The following MZT2B variants were observed in gnomAD, a reference collection of about 807,000 sequenced individuals.
MZT2B encodes mitotic spindle organizing protein 2B.
A neutral mutation model predicts 12.1 loss-of-function variants in MZT2B; 11 were observed. The ratio of observed to expected loss-of-function variants is 0.91; its 90% CI spans 0.57 to 1.50. The LOEUF is 1.50. MZT2B is among the 40% of genes most tolerant of loss of function. The probability of loss-of-function intolerance (pLI) is 0.00; values close to 1 mark genes in which losing one functional copy is unlikely to be tolerated. For missense variants in MZT2B, 209 were observed against 227.7 expected, an observed-to-expected ratio of 0.92 and a Z score of 0.53; for synonymous variants, 85 against 109.5, an observed-to-expected ratio of 0.78 and a Z score of 1.40.
At chr2:130,199,015 C>T in the MZT2B span, among the ~76,000 whole-genome samples, 586 of 123,752 alleles carry the variant, frequency 4.7e-3, 148 homozygotes, top group African/African-American at 0.016. Flanking sequence ...GTTCCCGAGA[C>T]CAGCCTGGCC....
downstream of MZT2B, chr2:130,195,211 C>A (rs149428191): frequency 8.7e-4 from 1,408 of 1,613,866 alleles, 15 homozygotes; most frequent in African/African-American, 0.017. Flanking sequence ...GCCTGTAGGT[C>A]CCTGTGCGCA....
chr2:130,184,735 C>T (rs993905062), intron 2 of MZT2B: 19 of 985,388 alleles, frequency 1.9e-5, no homozygotes, highest in Non-Finnish European at 2.3e-5. Context: ...GAACAGAGTC[C>T]TTGTCACTCC....
At chr2:130,183,004 C>T in intron 2 of MZT2B, 1 of 719,252 alleles carries the variant, frequency 1.4e-6, no homozygotes, top group Non-Finnish European at 2.2e-6. Flanking sequence ...GTGGTCCAGG[C>T]TGGGTAGGGC....
chr2:130,203,726 G>A, the MZT2B span, among the ~76,000 whole-genome samples: 2 of 152,176 alleles, frequency 1.3e-5, no homozygotes, highest in African/African-American at 4.8e-5. Flanking sequence ...TGGGATGACA[G>A]GCTTGAGTGC....
At chr2:130,182,540 G>A in intron 1 of MZT2B, 87 bp from the exon 2 acceptor site, 1 of 1,553,488 alleles carries the variant, frequency 6.4e-7, no homozygotes, top group Non-Finnish European at 8.7e-7. Flanking sequence ...GTCGGGAGGA[G>A]CCCCCGCCCC....
Position 130,182,497 on chromosome 2 carries a change from G to A in MZT2B, c.170+45G>A, listed in dbSNP as rs1352366557. On this transcript the variant is annotated intron_variant, in intron 1 of 2. Transcript: ENST00000281871. Reference sequence around the variant, plus strand: ...GCCGCATGCTAGCCAGACACCCCCCGACCTCTGCTTTCCGGGTACGCCCGG... The same window carrying A: ...GCCGCATGCTAGCCAGACACCCCCCAACCTCTGCTTTCCGGGTACGCCCGG... 3.9e-6 allele frequency: 6 copies of A among 1,540,734 alleles called. No individual in the cohort carries two copies. In the Admixed American group the frequency reaches 5.9e-5, roughly 15 times the overall value.
upstream of MZT2B, chr2:130,181,838 G>GTATT: frequency 6.5e-7 from 1 of 1,540,526 alleles, no homozygotes; most frequent in Non-Finnish European, 8.8e-7. Flanking sequence ...CGCGTAAGCA[G>GTATT]TATTGTTGAT....
At chr2:130,204,187 G>C in the MZT2B span, 1 of 1,237,230 alleles carries the variant, frequency 8.1e-7, no homozygotes, top group Non-Finnish European at 1.1e-6. Context: ...TGAAGCTTCA[G>C]AGACATTGAA....
chr2:130,184,527 G>A (rs1207864531), intron 2 of MZT2B: 1 of 985,254 alleles, frequency 1.0e-6, no homozygotes, highest in African/African-American at 1.7e-5. Flanking sequence ...TCAGAGCCAG[G>A]GTCCTGTGAG....
downstream of MZT2B, chr2:130,190,741 G>GTTTTTTTTT (rs71396588): frequency 5.8e-6 from 7 of 1,215,698 alleles, no homozygotes; most frequent in African/African-American, 3.8e-5. Flanking sequence ...GTTGTCTACC[G>GTTTTTTTTT]TTTTTTTTTT....
chr2:130,191,673 C>T (rs537083117), downstream of MZT2B: 201 of 1,345,192 alleles, frequency 1.5e-4, no homozygotes, highest in Non-Finnish European at 1.8e-4. Context: ...GGCACCCCAC[C>T]GCTGTCCATG....
intron 2 of MZT2B, 70 bp from the exon 3 acceptor site, chr2:130,190,399 C>A: frequency 6.3e-7 from 1 of 1,587,878 alleles, no homozygotes. Flanking sequence ...GCCCAAGGAC[C>A]ACGAGTACAG....
upstream of MZT2B, chr2:130,182,023 G>A (rs1689698684): frequency 7.4e-7 from 1 of 1,354,438 alleles, no homozygotes; most frequent in South Asian, 1.5e-5. Context: ...AGTCTATCAG[G>A]GAGGCCCAGA....
chr2:130,181,783 C>T (rs1689671884), upstream of MZT2B: 1 of 1,547,414 alleles, frequency 6.5e-7, no homozygotes, highest in South Asian at 1.2e-5. Context: ...TTGTGGCGGC[C>T]TCCGGCGCCC....
chr2:130,191,500 A>G (rs1229384827), downstream of MZT2B, among the ~76,000 whole-genome samples: 1 of 152,206 alleles, frequency 6.6e-6, no homozygotes, highest in Non-Finnish European at 1.5e-5. Context: ...AAAAATCACA[A>G]ATTCAGTTGA....
At chr2:130,187,988 G>A (rs1690121813) in intron 2 of MZT2B, 1 of 151,370 alleles carries the variant, frequency 6.6e-6, no homozygotes, top group South Asian at 2.1e-4. Flanking sequence ...GGGCAGCAAT[G>A]AACTGTGATT....
chr2:130,181,837 A>G (rs1288111563), upstream of MZT2B: 4 of 1,539,910 alleles, frequency 2.6e-6, no homozygotes, highest in South Asian at 2.4e-5. Flanking sequence ...GCGCGTAAGC[A>G]GTATTGTTGA....
the MZT2B span, among the ~76,000 whole-genome samples, chr2:130,203,404 G>T: frequency 6.6e-6 from 1 of 151,952 alleles, no homozygotes; most frequent in Admixed American, 6.6e-5. Flanking sequence ...TCCAGGTCTC[G>T]TCACTTCCAG....
chr2:130,201,896 G>A, the MZT2B span, among the ~76,000 whole-genome samples: 6 of 152,052 alleles, frequency 3.9e-5, no homozygotes, highest in Admixed American at 6.6e-5. Flanking sequence ...GAAAAGCTAC[G>A]GGAAAAATAT....
Sources: gnomAD v4.1 joint callset for allele counts (sites outside exome capture counted in the v4.1 genomes callset) on GRCh38, gnomAD v4.1.1 for gene constraint, MANE v1.5 for transcripts, NCBI Gene and HGNC (gene_info 2026-07-23, HGNC 2026-07-21) for gene names.